Variants in ABTB3 observed in about 807,000 individuals in gnomAD.
ABTB3 encodes the protein ankyrin repeat and BTB domain containing 3.
chr12:107,483,464 G>C, the ABTB3 span, among the ~76,000 whole-genome samples: 2 of 152,142 alleles, frequency 1.3e-5, no homozygotes, highest in Admixed American at 6.5e-5. Context: ...TAGACCCTCT[G>C]ACATTGCAGA....
At chr12:107,636,790 G>C in the ABTB3 span, among the ~76,000 whole-genome samples, 1 of 152,220 alleles carries the variant, frequency 6.6e-6, no homozygotes, top group African/African-American at 2.4e-5. Context: ...ATTAGAGAGT[G>C]AGGGGTACAT....
the ABTB3 span, chr12:107,320,059 C>T: frequency 6.7e-7 from 1 of 1,502,934 alleles, no homozygotes; most frequent in Non-Finnish European, 9.0e-7. Flanking sequence ...ACCTGATCTG[C>T]GGGAAGAACG....
chr12:107,614,585 C>A, the ABTB3 span, among the ~76,000 whole-genome samples: 4 of 152,108 alleles, frequency 2.6e-5, no homozygotes, highest in Non-Finnish European at 5.9e-5. Flanking sequence ...AACCACCACC[C>A]TCTGCTAGGT....
chr12:107,410,301 A>G, the ABTB3 span, among the ~76,000 whole-genome samples: 2 of 151,210 alleles, frequency 1.3e-5, no homozygotes, highest in African/African-American at 4.9e-5. Flanking sequence ...GAAAAAGTAC[A>G]AGGTGCTGGG....
chr12:107,403,402 G>A, the ABTB3 span, among the ~76,000 whole-genome samples: 1 of 152,084 alleles, frequency 6.6e-6, no homozygotes, highest in African/African-American at 2.4e-5. Flanking sequence ...TGGCAGATGG[G>A]TGCTAAAGCT....
the ABTB3 span, among the ~76,000 whole-genome samples, chr12:107,459,354 T>C: frequency 6.6e-6 from 1 of 152,192 alleles, no homozygotes; most frequent in Admixed American, 6.5e-5. Context: ...TCAACAAGTA[T>C]TTACTGAGTG....
chr12:107,441,085 G>A, the ABTB3 span, among the ~76,000 whole-genome samples: 1 of 152,158 alleles, frequency 6.6e-6, no homozygotes, highest in Non-Finnish European at 1.5e-5. Flanking sequence ...AGCTTCAGTG[G>A]GGTTGGTGGG....
the ABTB3 span, among the ~76,000 whole-genome samples, chr12:107,525,068 G>A: frequency 9.9e-5 from 15 of 152,236 alleles, no homozygotes; most frequent in African/African-American, 3.1e-4. Flanking sequence ...ACTCACACCT[G>A]TAATCCCAGC....
At chr12:107,645,449 C>T in the ABTB3 span, among the ~76,000 whole-genome samples, 2 of 152,156 alleles carry the variant, frequency 1.3e-5, no homozygotes, top group African/African-American at 4.8e-5. Context: ...TCCAGGTTCC[C>T]GCTGCTGCTC....
the ABTB3 span, among the ~76,000 whole-genome samples, chr12:107,470,282 A>T: frequency 1.3e-5 from 2 of 151,644 alleles, no homozygotes; most frequent in Non-Finnish European, 2.9e-5. Context: ...CAAGTGATCC[A>T]CCCGCCTTAC....
the ABTB3 span, among the ~76,000 whole-genome samples, chr12:107,479,250 T>G: frequency 6.6e-6 from 1 of 152,004 alleles, no homozygotes; most frequent in African/African-American, 2.4e-5. Context: ...TGCCACTGTT[T>G]TTTTCTCCAT....
the ABTB3 span, among the ~76,000 whole-genome samples, chr12:107,607,666 T>C: frequency 1.1e-4 from 16 of 152,314 alleles, no homozygotes; most frequent in Middle Eastern, 3.4e-3. Flanking sequence ...GCTCCAGTCC[T>C]TGGAGTCCGT....
At chr12:107,323,568 T>C in the ABTB3 span, among the ~76,000 whole-genome samples, 8 of 152,192 alleles carry the variant, frequency 5.3e-5, no homozygotes, top group Non-Finnish European at 8.8e-5. Flanking sequence ...AGGGACCCCA[T>C]TGATGTTTCT....
chr12:107,494,608 C>T, the ABTB3 span, among the ~76,000 whole-genome samples: 5 of 152,316 alleles, frequency 3.3e-5, no homozygotes, highest in Admixed American at 1.3e-4. Flanking sequence ...CTGTAAGAGC[C>T]TAAGCAACCC....
At chr12:107,536,562 G>T in the ABTB3 span, among the ~76,000 whole-genome samples, 1 of 151,926 alleles carries the variant, frequency 6.6e-6, no homozygotes, top group Non-Finnish European at 1.5e-5. Flanking sequence ...TGATTTTAAA[G>T]TGTGCAAAAG....
chr12:107,522,779 G>A, the ABTB3 span, among the ~76,000 whole-genome samples: 2 of 128,540 alleles, frequency 1.6e-5, no homozygotes, highest in African/African-American at 5.7e-5. Flanking sequence ...AGGAAAGAAG[G>A]AAAGAAGGAA....
chr12:107,453,687 T>C, the ABTB3 span, among the ~76,000 whole-genome samples: 2 of 152,214 alleles, frequency 1.3e-5, no homozygotes, highest in African/African-American at 4.8e-5. Context: ...ATTTACATTT[T>C]AATTCCTCTG....
At chr12:107,501,845 G>T in the ABTB3 span, among the ~76,000 whole-genome samples, 1 of 152,184 alleles carries the variant, frequency 6.6e-6, no homozygotes, top group Non-Finnish European at 1.5e-5. Flanking sequence ...ATTTGGTTTT[G>T]TCTTGTGGTT....
chr12:107,373,107 A>G, the ABTB3 span, among the ~76,000 whole-genome samples: 1 of 152,206 alleles, frequency 6.6e-6, no homozygotes, highest in Non-Finnish European at 1.5e-5. Context: ...GGGAGAGGCA[A>G]AATCACCTCT....
Sources: allele counts gnomAD v4.1 joint callset (sites outside exome capture counted in the v4.1 genomes callset), GRCh38; gene constraint gnomAD v4.1.1; transcripts MANE v1.5; gene names NCBI Gene and HGNC (gene_info 2026-07-23, HGNC 2026-07-21).